Variants in LYN observed in about 807,000 individuals in gnomAD.
LYN encodes the protein tyrosine-protein kinase Lyn.
Under a neutral mutation model 65.0 loss-of-function variants are expected in LYN, and 12 were observed. The observed-to-expected ratio is 0.18, with a 90% CI of 0.12 to 0.30. The LOEUF (loss-of-function observed/expected upper bound fraction) is 0.30. Among genes scored for constraint, LYN ranks in the 10% least tolerant of loss-of-function variants. The pLI, the probability that LYN is intolerant of heterozygous loss-of-function variation, is 1.00. For missense variants in LYN, 380 were observed against 623.2 expected, an observed-to-expected ratio of 0.61 and a Z score of 4.16; for synonymous variants, 222 against 221.2, an observed-to-expected ratio of 1.00 and a Z score of -0.03.
At chr8:55,888,422 T>C (rs1168317336) in intron 1 of LYN, among the ~76,000 whole-genome samples, 2 of 152,178 alleles carry the variant, frequency 1.3e-5, no homozygotes, top group Admixed American at 6.5e-5. Flanking sequence ...CTGGAGCCTT[T>C]TAGTATGAAG....
At chr8:55,962,007 G>C (rs2130514145) in intron 8 of LYN, among the ~76,000 whole-genome samples, 1 of 152,264 alleles carries the variant, frequency 6.6e-6, no homozygotes, top group South Asian at 2.1e-4. Context: ...ATATAGCTCA[G>C]TTTTGCTGTT....
chr8:55,914,742 C>T (rs1805737683), intron 1 of LYN, among the ~76,000 whole-genome samples: 1 of 152,176 alleles, frequency 6.6e-6, no homozygotes, highest in African/African-American at 2.4e-5. Context: ...CTACAATATC[C>T]AGTAGATTTA....
chr8:55,969,888 T>C, intron 10 of LYN, 95 bp downstream of exon 10: 1 of 1,062,458 alleles, frequency 9.4e-7, no homozygotes, highest in Non-Finnish European at 1.5e-6. Flanking sequence ...GAGAAGGAAT[T>C]TCTGTTGAAT....
At chr8:55,922,470 G>A (rs2130435221) in intron 1 of LYN, among the ~76,000 whole-genome samples, 1 of 152,080 alleles carries the variant, frequency 6.6e-6, no homozygotes, top group South Asian at 2.1e-4. Context: ...GTAGAAGACA[G>A]TCTCCGAAGA....
chr8:55,895,767 G>A (rs1805077794), intron 1 of LYN: 1 of 152,144 alleles, frequency 6.6e-6, no homozygotes, highest in Admixed American at 6.5e-5. Context: ...ATCTCATCCA[G>A]TTGTTGCAAG....
At chr8:56,005,849 C>A (rs1463762394) in intron 12 of LYN, among the ~76,000 whole-genome samples, 1 of 152,072 alleles carries the variant, frequency 6.6e-6, no homozygotes, top group Non-Finnish European at 1.5e-5. Context: ...TTTGGGAGGC[C>A]GAGGCAGGTG....
At chr8:56,007,731 A>G (rs903311299) in intron 12 of LYN, among the ~76,000 whole-genome samples, 1 of 152,274 alleles carries the variant, frequency 6.6e-6, no homozygotes, top group South Asian at 2.1e-4. Context: ...TACTCTGTAC[A>G]TAAAGCAAAC....
At chr8:56,004,184 G>T (rs1256731177) in intron 12 of LYN, among the ~76,000 whole-genome samples, 1 of 151,142 alleles carries the variant, frequency 6.6e-6, no homozygotes, top group Non-Finnish European at 1.5e-5. Context: ...TGCCTGCTTT[G>T]GCCTCCCAAA....
chr8:55,894,491 TC>T (rs1423928122), intron 1 of LYN, among the ~76,000 whole-genome samples: 2 of 151,258 alleles, frequency 1.3e-5, no homozygotes, highest in Non-Finnish European at 2.9e-5. Flanking sequence ...CACCTTAGCC[TC>T]CCAAGTAGCT....
At chr8:55,959,372 G>C (rs1365677091) in intron 8 of LYN, among the ~76,000 whole-genome samples, 1 of 152,184 alleles carries the variant, frequency 6.6e-6, no homozygotes, top group African/African-American at 2.4e-5. Flanking sequence ...TTAAATGACA[G>C]AGGCAGTAGA....
intron 1 of LYN, among the ~76,000 whole-genome samples, chr8:55,896,798 G>T (rs1163531100): frequency 1.3e-5 from 2 of 152,160 alleles, no homozygotes; most frequent in Non-Finnish European, 2.9e-5. Flanking sequence ...GAGTGCAGTG[G>T]CGTGATCTCG....
At chr8:55,915,517 C>A (rs1033568851) in intron 1 of LYN, among the ~76,000 whole-genome samples, 1 of 152,016 alleles carries the variant, frequency 6.6e-6, no homozygotes, top group African/African-American at 2.4e-5. Flanking sequence ...CCAGCCTGGT[C>A]AACATGGTGA....
At chr8:55,894,003 T>C (rs1031680060) in intron 1 of LYN, 2 of 151,774 alleles carry the variant, frequency 1.3e-5, no homozygotes, top group African/African-American at 4.8e-5. Context: ...ACACAAGATA[T>C]GAAGAACATG....
At chr8:55,902,001 C>T (rs551709415) in intron 1 of LYN, among the ~76,000 whole-genome samples, 5 of 146,464 alleles carry the variant, frequency 3.4e-5, no homozygotes, top group African/African-American at 5.1e-5. Context: ...TTCTAAAAAA[C>T]GTACCTGTAC....
At chr8:55,955,834 T>C (rs1366459932) in intron 8 of LYN, among the ~76,000 whole-genome samples, 2 of 152,230 alleles carry the variant, frequency 1.3e-5, no homozygotes, top group African/African-American at 4.8e-5. Context: ...TTCATCCATG[T>C]TGTAGAATGT....
intron 12 of LYN, among the ~76,000 whole-genome samples, chr8:56,000,928 T>C (rs530803244): frequency 1.1e-4 from 16 of 152,122 alleles, no homozygotes; most frequent in Non-Finnish European, 2.4e-4. Context: ...TATCTGCCCA[T>C]GTCCTTGAGA....
intron 8 of LYN, among the ~76,000 whole-genome samples, chr8:55,957,956 A>G (rs1376316908): frequency 6.6e-6 from 1 of 152,134 alleles, no homozygotes; most frequent in African/African-American, 2.4e-5. Context: ...CAAAAAATAA[A>G]TAAATAAATA....
At position 55,906,513 on chromosome 8, in the gene LYN, C is replaced by G. The variant is rs778146993; in HGVS notation, c.-6+26410C>G. ...CTGGGATTACATGTGCCCACCACCA[C>G]GCCCAGCTAATTTTTGTATTTTTAG... On this transcript the variant is annotated intron_variant, in intron 1 of 12. Transcript: ENST00000519728. 2.6e-5 allele frequency among the ~76,000 whole-genome samples: 4 copies of G among 152,116 alleles called. No individual in the cohort carries two copies. The East Asian group carries it at 7.7e-4, about 29-fold the overall frequency.
intron 8 of LYN, among the ~76,000 whole-genome samples, chr8:55,957,419 A>C (rs755525236): frequency 4.6e-5 from 7 of 152,148 alleles, no homozygotes; most frequent in African/African-American, 9.7e-5. Flanking sequence ...TCTGTCATGA[A>C]AAGAAATGTA....
Sources: gnomAD v4.1 joint callset for allele counts (sites outside exome capture counted in the v4.1 genomes callset) on GRCh38, gnomAD v4.1.1 for gene constraint, MANE v1.5 for transcripts, NCBI Gene and HGNC (gene_info 2026-07-23, HGNC 2026-07-21) for gene names.